PHLPP2: variants seen among roughly 807,000 people sequenced by gnomAD.
The protein encoded by PHLPP2 is PH domain leucine-rich repeat-containing protein phosphatase 2.
A neutral mutation model predicts 124.9 loss-of-function variants in PHLPP2; 66 were observed. That is an observed-to-expected ratio of 0.53 (90% CI 0.43 to 0.65). PHLPP2 has a LOEUF of 0.65. Among genes scored for constraint, PHLPP2 ranks in the 30% least tolerant of loss-of-function variants. The probability of loss-of-function intolerance (pLI) is 0.00; values close to 1 mark genes in which losing one functional copy is unlikely to be tolerated. For synonymous variants in PHLPP2, 681 were observed against 624.7 expected (o/e 1.09, Z -1.34); for missense variants, 1,685 against 1,600.4 (o/e 1.05, Z -0.90).
chr16:71,700,033 G>A (rs1428893147), intron 3 of PHLPP2, among the ~76,000 whole-genome samples: 2 of 152,192 alleles, frequency 1.3e-5, no homozygotes, highest in Admixed American at 6.5e-5. Context: ...TGAGCGGGGT[G>A]GGCTGAGTAA....
At chr16:71,710,757 T>A (rs1461732382) in intron 2 of PHLPP2, among the ~76,000 whole-genome samples, 3 of 152,192 alleles carry the variant, frequency 2.0e-5, no homozygotes. Flanking sequence ...ATTAATTCAT[T>A]TAATCTTCAT....
At chr16:71,658,897 G>T in intron 13 of PHLPP2, 82 bp from the exon 14 acceptor site, 1 of 1,279,578 alleles carries the variant, frequency 7.8e-7, no homozygotes, top group Non-Finnish European at 1.1e-6. Context: ...CAGCCACAGA[G>T]TACAGAAGGC....
At chr16:71,701,322 A>G (rs1375440054) in intron 3 of PHLPP2, among the ~76,000 whole-genome samples, 1 of 6,060 alleles carries the variant, frequency 1.7e-4, no homozygotes, top group Non-Finnish European at 2.9e-4. Flanking sequence ...CTATATATCT[A>G]TCTACCTACC....
chr16:71,663,608 T>C (rs369051654), intron 13 of PHLPP2, among the ~76,000 whole-genome samples: 2 of 152,300 alleles, frequency 1.3e-5, no homozygotes, highest in South Asian at 2.1e-4. Flanking sequence ...AAAGAAAAAA[T>C]TGTCTTCAGA....
chr16:71,694,556 A>T (rs1434521679), intron 3 of PHLPP2, among the ~76,000 whole-genome samples: 1 of 152,188 alleles, frequency 6.6e-6, no homozygotes, highest in Non-Finnish European at 1.5e-5. Flanking sequence ...ATAAAAAGTT[A>T]CAGGCTGGAA....
rs765023471 is a variant in PHLPP2 at position 71,679,396 on chromosome 16, G to C, written c.1030C>G (p.Leu344Val). ...FHDLPSQIGNLLNLQTLCLDG... is the reference protein window; with the variant it reads ...FHDLPSQIGNVLNLQTLCLDG... ...CTAGTAAAAGTTACTTACTTTAGCA[G>C]ATTGCCAATTTGACTTGGTAGGTCA... The change falls in exon 7 of 19, where the codon CTG (leucine) becomes GTG (valine). Residue 344 changes from leucine to valine, a missense_variant. Transcript: ENST00000568954. 6 of 1,613,732 alleles carry C rather than the reference G, an allele frequency of 3.7e-6. No homozygotes were observed. The highest frequency in any genetic ancestry group is 5.1e-6 in the Non-Finnish European group (6 of 1,179,664).
intron 3 of PHLPP2, among the ~76,000 whole-genome samples, chr16:71,692,337 G>A (rs1037165365): frequency 2.6e-5 from 4 of 152,094 alleles, no homozygotes; most frequent in South Asian, 4.1e-4. Context: ...CCAAAGTGCT[G>A]GGATTACAAG....
At chr16:71,715,845 A>C (rs1391240503) in intron 1 of PHLPP2, among the ~76,000 whole-genome samples, 1 of 151,058 alleles carries the variant, frequency 6.6e-6, no homozygotes, top group Non-Finnish European at 1.5e-5. Context: ...AAAAACAAAA[A>C]ATTAGCCGAG....
chr16:71,664,575 C>T (rs2044822145), intron 12 of PHLPP2, among the ~76,000 whole-genome samples: 3 of 152,042 alleles, frequency 2.0e-5, no homozygotes, highest in South Asian at 2.1e-4. Flanking sequence ...GGTGAAACCC[C>T]GTCTCTACTA....
At chr16:71,713,334 A>G (rs1167547639) in intron 2 of PHLPP2, among the ~76,000 whole-genome samples, 1 of 152,192 alleles carries the variant, frequency 6.6e-6, no homozygotes, top group Non-Finnish European at 1.5e-5. Flanking sequence ...CTACTAACAT[A>G]TTTTTGAGAA....
chr16:71,700,435 G>T (rs1303652076), intron 3 of PHLPP2, among the ~76,000 whole-genome samples: 1 of 146,276 alleles, frequency 6.8e-6, no homozygotes, highest in Non-Finnish European at 1.5e-5. Flanking sequence ...AAAAAAAATA[G>T]ACCCACAAAT....
At chr16:71,653,225 G>T (rs1328333787) in intron 17 of PHLPP2, among the ~76,000 whole-genome samples, 2 of 151,430 alleles carry the variant, frequency 1.3e-5, no homozygotes, top group Admixed American at 1.3e-4. Flanking sequence ...CTGAGGAAAA[G>T]GTTTTACAAA....
chr16:71,662,068 C>A (rs1023881499), intron 13 of PHLPP2, among the ~76,000 whole-genome samples: 1 of 151,828 alleles, frequency 6.6e-6, no homozygotes, highest in Non-Finnish European at 1.5e-5. Flanking sequence ...GTGATCCGCC[C>A]GCCTCGGCCT....
chr16:71,714,501 T>A lies in PHLPP2; in HGVS notation c.284+11A>T, dbSNP rs974160565. 18 of 1,584,728 alleles carry A rather than the reference T, an allele frequency of 1.1e-5. No homozygotes were observed. Among genetic ancestry groups the A allele is most frequent in the Non-Finnish European group, 1.5e-5 (18 of 1,164,960 alleles). On this transcript the variant is annotated intron_variant, in intron 2 of 18. Coordinates refer to ENST00000568954, the MANE Select transcript of PHLPP2 (RefSeq NM_015020.3). ...TACGGTAGAATTAGAGTGGTAAAAC[T>A]GAGACCTCACCTGACCAGGTCTCCA...
intron 1 of PHLPP2, among the ~76,000 whole-genome samples, chr16:71,721,264 C>T (rs2045396574): frequency 6.6e-6 from 1 of 150,980 alleles, no homozygotes; most frequent in South Asian, 2.1e-4. Flanking sequence ...GCCATGATCG[C>T]GCCACTGCAT....
intron 2 of PHLPP2, among the ~76,000 whole-genome samples, chr16:71,708,478 C>T (rs2045299282): frequency 6.6e-6 from 1 of 152,182 alleles, no homozygotes; most frequent in African/African-American, 2.4e-5. Context: ...TTGCTGATTC[C>T]TTTTTCCGAC....
intron 17 of PHLPP2, among the ~76,000 whole-genome samples, chr16:71,654,571 A>C (rs1386690599): frequency 6.6e-6 from 1 of 152,230 alleles, no homozygotes; most frequent in Non-Finnish European, 1.5e-5. Context: ...CAACCAATAC[A>C]GTGCCCTGTG....
chr16:71,653,092 A>T, intron 17 of PHLPP2, 71 bp from the exon 18 acceptor site: 1 of 789,180 alleles, frequency 1.3e-6, no homozygotes, highest in Non-Finnish European at 1.9e-6. Flanking sequence ...CTGCACGTAC[A>T]TCCCTTCTTT....
intron 3 of PHLPP2, among the ~76,000 whole-genome samples, chr16:71,691,161 T>C (rs1440686039): frequency 6.6e-6 from 1 of 152,080 alleles, no homozygotes; most frequent in East Asian, 1.9e-4. Context: ...CTTATAAAAA[T>C]TAAGTAAGAT....
Sources: gnomAD v4.1 joint callset for allele counts (sites outside exome capture counted in the v4.1 genomes callset) on GRCh38, gnomAD v4.1.1 for gene constraint, MANE v1.5 for transcripts, NCBI Gene and HGNC (gene_info 2026-07-23, HGNC 2026-07-21) for gene names.